The following LGSN variants were observed in gnomAD, a reference collection of about 807,000 sequenced individuals.
LGSN encodes lengsin.
LGSN carries 21 observed loss-of-function variants against 19.5 expected under a neutral mutation model. The ratio of observed to expected loss-of-function variants is 1.07; its 90% CI spans 0.76 to 1.55. LGSN has a LOEUF of 1.55. Among genes scored for constraint, LGSN ranks in the 40% most tolerant of loss-of-function variants. LGSN has a pLI of 0.00. For missense variants in LGSN, 673 were observed against 608.5 expected, an observed-to-expected ratio of 1.11 and a Z score of -1.12; for synonymous variants, 257 against 215.6, an observed-to-expected ratio of 1.19 and a Z score of -1.68.
the LGSN span, among the ~76,000 whole-genome samples, chr6:63,469,560 A>G: frequency 6.6e-6 from 1 of 152,204 alleles, no homozygotes; most frequent in Non-Finnish European, 1.5e-5. Context: ...AATTATAGTG[A>G]TAAAAATTTT....
At chr6:63,422,853 C>A in the LGSN span, among the ~76,000 whole-genome samples, 14 of 152,210 alleles carry the variant, frequency 9.2e-5, no homozygotes, top group East Asian at 2.3e-3. Context: ...TGGCAGACTT[C>A]ACTCCTAATG....
chr6:63,403,215 A>T, the LGSN span, among the ~76,000 whole-genome samples: 1 of 152,126 alleles, frequency 6.6e-6, no homozygotes, highest in Non-Finnish European at 1.5e-5. Context: ...AAATGATCCT[A>T]GGTTATTATT....
At chr6:63,462,253 A>G in the LGSN span, among the ~76,000 whole-genome samples, 6 of 152,346 alleles carry the variant, frequency 3.9e-5, no homozygotes, top group East Asian at 1.2e-3. Flanking sequence ...CTTGAGAACA[A>G]GGATTGTATC....
the LGSN span, among the ~76,000 whole-genome samples, chr6:63,526,339 AAT>A: frequency 6.6e-6 from 1 of 151,952 alleles, no homozygotes; most frequent in Non-Finnish European, 1.5e-5. Context: ...TAAATAAATA[AAT>A]AAAAGAAATT....
intron 2 of LGSN, among the ~76,000 whole-genome samples, chr6:63,290,972 G>C (rs77065825): frequency 6.6e-6 from 1 of 152,280 alleles, no homozygotes; most frequent in African/African-American, 2.4e-5. Context: ...TTCAGAGGTT[G>C]TTAGTGCTCA....
chr6:63,544,225 A>G, the LGSN span, among the ~76,000 whole-genome samples: 1 of 152,218 alleles, frequency 6.6e-6, no homozygotes, highest in East Asian at 1.9e-4. Flanking sequence ...AGATATGAAG[A>G]AAAGATGCAA....
At chr6:63,537,844 G>C in the LGSN span, among the ~76,000 whole-genome samples, 1 of 152,220 alleles carries the variant, frequency 6.6e-6, no homozygotes, top group South Asian at 2.1e-4. Context: ...CAACCGCCAA[G>C]AATCTGGCGA....
At chr6:63,326,728 C>T in the LGSN span, among the ~76,000 whole-genome samples, 74 of 152,254 alleles carry the variant, frequency 4.9e-4, no homozygotes, top group African/African-American at 1.5e-3. Flanking sequence ...GGGCCAGCAG[C>T]GCCTGCCGGC....
chr6:63,427,322 G>A, the LGSN span, among the ~76,000 whole-genome samples: 15 of 152,052 alleles, frequency 9.9e-5, no homozygotes, highest in African/African-American at 3.6e-4. Flanking sequence ...GGGATTACAG[G>A]CATAAGCCCC....
chr6:63,549,441 C>T, the LGSN span: 1 of 775,524 alleles, frequency 1.3e-6, no homozygotes, highest in Non-Finnish European at 2.3e-6. Flanking sequence ...CTTTCTTAAC[C>T]TCCTGCTTCT....
At chr6:63,379,653 T>G in the LGSN span, among the ~76,000 whole-genome samples, 2 of 152,208 alleles carry the variant, frequency 1.3e-5, no homozygotes, top group Non-Finnish European at 2.9e-5. Context: ...AACTCAGTGA[T>G]TAGCAGAAGC....
At chr6:63,529,101 ATG>A in the LGSN span, among the ~76,000 whole-genome samples, 32 of 147,700 alleles carry the variant, frequency 2.2e-4, no homozygotes, top group African/African-American at 7.9e-4. Flanking sequence ...AAATATATAT[ATG>A]TGTGTATATA....
At chr6:63,449,360 C>T in the LGSN span, among the ~76,000 whole-genome samples, 37 of 151,982 alleles carry the variant, frequency 2.4e-4, 2 homozygotes, top group South Asian at 6.9e-3. Context: ...TCAAGGCCAA[C>T]GTGGTAAAAC....
chr6:63,305,270 C>T (rs1195730004), intron 1 of LGSN, among the ~76,000 whole-genome samples: 2 of 152,032 alleles, frequency 1.3e-5, no homozygotes. Context: ...TTCCATATTC[C>T]CACCTTACAA....
the LGSN span, among the ~76,000 whole-genome samples, chr6:63,474,331 G>A: frequency 7.2e-5 from 11 of 152,178 alleles, no homozygotes; most frequent in Non-Finnish European, 1.2e-4. Context: ...AAAACGGGAC[G>A]GGCGCAGTGG....
chr6:63,555,210 T>A, the LGSN span, among the ~76,000 whole-genome samples: 1 of 152,208 alleles, frequency 6.6e-6, no homozygotes, highest in Admixed American at 6.5e-5. Flanking sequence ...GTTCTGTAGA[T>A]CTTTAGAGGC....
At chr6:63,312,457 G>T (rs1250546249) in intron 1 of LGSN, among the ~76,000 whole-genome samples, 2 of 151,916 alleles carry the variant, frequency 1.3e-5, no homozygotes, top group African/African-American at 4.8e-5. Flanking sequence ...CATTATAATT[G>T]GTAAATTATA....
At chr6:63,515,127 T>A in the LGSN span, among the ~76,000 whole-genome samples, 1 of 151,706 alleles carries the variant, frequency 6.6e-6, no homozygotes, top group African/African-American at 2.4e-5. Context: ...CTCAGCCTCC[T>A]GAGTAGCCAG....
At chr6:63,347,073 T>C in the LGSN span, among the ~76,000 whole-genome samples, 1 of 152,114 alleles carries the variant, frequency 6.6e-6, no homozygotes, top group East Asian at 1.9e-4. Context: ...ATCCAGGAAA[T>C]TTCAAGGGAT....
Sources: allele counts gnomAD v4.1 joint callset (sites outside exome capture counted in the v4.1 genomes callset), GRCh38; gene constraint gnomAD v4.1.1; transcripts MANE v1.5; gene names NCBI Gene and HGNC (gene_info 2026-07-23, HGNC 2026-07-21).